Variants in CCDC14 observed in about 807,000 individuals in gnomAD.
CCDC14 encodes coiled-coil domain-containing protein 14.
A neutral mutation model predicts 81.4 loss-of-function variants in CCDC14; 71 were observed. The ratio of observed to expected loss-of-function variants is 0.87; its 90% confidence interval spans 0.72 to 1.06. The LOEUF is 1.06. CCDC14 is among the 50% of genes least tolerant of loss of function. The pLI is 0.00. For missense variants in CCDC14, 1,046 were observed against 1,047.3 expected (o/e 1.00, Z 0.02); for synonymous variants, 332 against 364.8 (o/e 0.91, Z 1.03).
chr3:123,946,387 A>G (rs978710623), intron 8 of CCDC14, among the ~76,000 whole-genome samples: 2 of 152,188 alleles, frequency 1.3e-5, no homozygotes, highest in Non-Finnish European at 2.9e-5. Context: ...TTGTTAAACA[A>G]TCTAACAGTT....
chr3:123,946,132 A>ATT (rs200227842), intron 8 of CCDC14, among the ~76,000 whole-genome samples: 20 of 145,428 alleles, frequency 1.4e-4, no homozygotes, highest in South Asian at 1.3e-3. Flanking sequence ...GCATTTTAAG[A>ATT]TTTTTTTTTT....
chr3:123,948,349 C>A (rs2036786697), intron 7 of CCDC14, among the ~76,000 whole-genome samples: 1 of 151,484 alleles, frequency 6.6e-6, no homozygotes, highest in South Asian at 2.1e-4. Context: ...TCAAGTAATT[C>A]TCCTGCCTCA....
In CCDC14 at chr3:123,913,726, TAGG is replaced by T. The variant is rs1341980416; in HGVS notation, c.*1050_*1052del. On this transcript the variant is annotated 3_prime_UTR_variant, in exon 13 of 13. Coordinates refer to ENST00000409697, the MANE Select transcript of CCDC14 (RefSeq NM_001366335.1). Reference sequence around the variant, plus strand: ...AAAAAACACGAGGAGGTTCTGGGATTAGGAGAACACTCTTTAATGATAAAGCCT... The same window carrying T: ...AAAAAACACGAGGAGGTTCTGGGATTAGAACACTCTTTAATGATAAAGCCT... The T allele has an allele frequency of 2.0e-6, 2 of 982,554 alleles. No individual in the cohort carries two copies. The highest frequency in any genetic ancestry group is 1.2e-6 in the Non-Finnish European group (1 of 829,586). 60.9% of individuals were successfully genotyped at this position (982,554 alleles called of 1,614,324 possible). A position where few individuals can be genotyped will look rare whatever the true frequency, so the allele number is the denominator to read the frequency against.
intron 9 of CCDC14, among the ~76,000 whole-genome samples, chr3:123,942,692 C>G (rs1267400949): frequency 6.6e-6 from 1 of 152,060 alleles, no homozygotes; most frequent in African/African-American, 2.4e-5. Context: ...GGCACATTCG[C>G]ATTGCAGTGC....
At chr3:123,958,878 A>G (rs2037499690) in intron 1 of CCDC14, 1 of 152,188 alleles carries the variant, frequency 6.6e-6, no homozygotes, top group Non-Finnish European at 1.5e-5. Context: ...ACTTTATGTA[A>G]GTAAAATCAT....
At chr3:123,938,741 A>G (rs79324745) in intron 9 of CCDC14, among the ~76,000 whole-genome samples, 16,738 of 151,984 alleles carry the variant, frequency 0.11, 2,059 homozygotes, top group East Asian at 0.42. Context: ...TAATGGGATA[A>G]TATTACAAAA....
chr3:123,899,252 G>T (rs1447737685), intron 5 of CCDC14, among the ~76,000 whole-genome samples: 5 of 152,148 alleles, frequency 3.3e-5, no homozygotes, highest in Non-Finnish European at 7.4e-5. Context: ...AGCTTAAGTT[G>T]TCCTTGATAA....
chr3:123,959,477 ATG>A (rs1415408535), intron 1 of CCDC14, among the ~76,000 whole-genome samples: 5 of 152,030 alleles, frequency 3.3e-5, no homozygotes, highest in Non-Finnish European at 7.4e-5. Context: ...TAACCAGGTT[ATG>A]TGTTGTTCTG....
At chr3:123,935,967 T>C (rs1159138879) in intron 9 of CCDC14, among the ~76,000 whole-genome samples, 1 of 152,162 alleles carries the variant, frequency 6.6e-6, no homozygotes, top group Non-Finnish European at 1.5e-5. Flanking sequence ...TCTAGTCTGA[T>C]GAGTAGCCTT....
Position 123,931,367 on chromosome 3 carries a change from T to A in CCDC14, c.1586A>T (p.Asp529Val), listed in dbSNP as rs780975674. 4.6e-6 allele frequency: 7 copies of A among 1,521,692 alleles called. No individual in the cohort carries two copies. The highest frequency in any genetic ancestry group is 6.3e-6 in the Non-Finnish European group (7 of 1,119,812). The allele number at this position is 1,521,692 out of a possible 1,614,324, so 94.3% of individuals were successfully genotyped here. ...KKFSSIFKDK[D>V]QTILENKQQY... is the part of the protein sequence containing the mutation. ...CTGTTTATTTTCAAGTATAGTTTGA[T>A]CTTTGTCTTTAAATATACTACTAAA... Residue 529 changes from aspartate (D) to valine (V), a missense_variant, in exon 11 of 13, where the codon GAT becomes GTT. Transcript: ENST00000409697.
chr3:123,949,815 C>G (rs554753184), intron 5 of CCDC14, among the ~76,000 whole-genome samples: 2 of 152,310 alleles, frequency 1.3e-5, no homozygotes, highest in East Asian at 3.9e-4. Context: ...CTTTTCCAAT[C>G]CAATCATTCC....
chr3:123,892,175 G>A, the CCDC14 span, among the ~76,000 whole-genome samples: 1 of 152,272 alleles, frequency 6.6e-6, no homozygotes, highest in East Asian at 1.9e-4. Flanking sequence ...ATGAGATTTG[G>A]GTGAGGACAC....
rs372588063 is a variant in CCDC14, at chr3:123,914,894, G to C, written c.2603C>G (p.Ser868Trp). Residue 868 changes from serine to tryptophan, a missense_variant, in exon 13 of 13, where the codon TCG (serine) becomes TGG (tryptophan). By Grantham distance (177) the Ser-to-Trp change is radical (BLOSUM62 -3). Coordinates refer to ENST00000409697, the MANE Select transcript of CCDC14 (RefSeq NM_001366335.1). The stretch of plus-strand genomic sequence containing the variant: ...ATCACGAGAAGTGAACGTTGAAAAC[G>C]AAGAGATGCTCCAGTCAGACATCAA... ...SDLMSDWSIS[S>W]FSTFTSRDEQ... 5 of 1,613,770 alleles carry C rather than the reference G, an allele frequency of 3.1e-6. No homozygotes were observed. The African/African-American group carries it at 6.7e-5, about 22-fold the overall frequency.
chr3:123,943,129 T>C (rs2036443328), intron 9 of CCDC14, among the ~76,000 whole-genome samples: 1 of 151,894 alleles, frequency 6.6e-6, no homozygotes, highest in Non-Finnish European at 1.5e-5. Context: ...CATACACATA[T>C]ATATACGTAT....
chr3:123,893,038 T>C (rs971301360), downstream of CCDC14, among the ~76,000 whole-genome samples: 1 of 152,164 alleles, frequency 6.6e-6, no homozygotes, highest in African/African-American at 2.4e-5. Flanking sequence ...TCACCTGACC[T>C]TGTGATCCAC....
At chr3:123,909,969 T>C (rs954932084), downstream of CCDC14, among the ~76,000 whole-genome samples, 7 of 152,206 alleles carry the variant, frequency 4.6e-5, no homozygotes, top group African/African-American at 1.7e-4. Context: ...TTCCACATGA[T>C]AATTTTCATA....
chr3:123,890,595 T>C, the CCDC14 span, among the ~76,000 whole-genome samples: 2 of 152,220 alleles, frequency 1.3e-5, no homozygotes, highest in Non-Finnish European at 2.9e-5. Flanking sequence ...TGACCTCCTT[T>C]GACTCCATGT....
intron 12 of CCDC14, among the ~76,000 whole-genome samples, chr3:123,923,165 T>C (rs1463884890): frequency 2.0e-5 from 3 of 152,056 alleles, no homozygotes; most frequent in Non-Finnish European, 4.4e-5. Flanking sequence ...ATTAACAGAA[T>C]GAAGAATTTA....
intron 3 of CCDC14, 52 bp from the exon 4 acceptor site, chr3:123,956,167 G>A (rs2037318143): frequency 7.0e-7 from 1 of 1,427,252 alleles, no homozygotes; most frequent in South Asian, 1.4e-5. Flanking sequence ...TGTTAGTGTA[G>A]GAAAAAATAT....
Sources: gnomAD v4.1 joint callset for allele counts (sites outside exome capture counted in the v4.1 genomes callset) on GRCh38, gnomAD v4.1.1 for gene constraint, MANE v1.5 for transcripts, NCBI Gene and HGNC (gene_info 2026-07-23, HGNC 2026-07-21) for gene names.